SAMMSON: variants seen among roughly 807,000 people sequenced by gnomAD.
SAMMSON encodes survival associated mitochondrial melanoma specific oncogenic non-coding RNA.
chr3:70,153,671 T>TA (rs2067580481), intron 4 of SAMMSON, among the ~76,000 whole-genome samples: 1 of 152,012 alleles, frequency 6.6e-6, no homozygotes, highest in South Asian at 2.1e-4. Context: ...TTGCGATTTT[T>TA]AAAAAACTCT....
chr3:70,179,795 G>C (rs1701037253), intron 4 of SAMMSON, among the ~76,000 whole-genome samples: 1 of 151,878 alleles, frequency 6.6e-6, no homozygotes, highest in South Asian at 2.1e-4. Flanking sequence ...ATGAACTTCT[G>C]CTTGAATTCT....
At chr3:70,158,292 C>G (rs779019218) in intron 4 of SAMMSON, among the ~76,000 whole-genome samples, 5 of 152,066 alleles carry the variant, frequency 3.3e-5, no homozygotes, top group Admixed American at 6.6e-5. Context: ...TTTATATAAA[C>G]GGAATCATAC....
At chr3:70,165,729 A>G (rs924229144) in intron 4 of SAMMSON, among the ~76,000 whole-genome samples, 5 of 151,986 alleles carry the variant, frequency 3.3e-5, no homozygotes, top group Non-Finnish European at 7.4e-5. Context: ...AAGGATATGG[A>G]AGATGCTTCT....
intron 4 of SAMMSON, among the ~76,000 whole-genome samples, chr3:70,185,159 C>A (rs1246897638): frequency 6.6e-6 from 1 of 152,092 alleles, no homozygotes; most frequent in Non-Finnish European, 1.5e-5. Flanking sequence ...TGGAGAGATT[C>A]TCTGAAGTTT....
intron 7 of SAMMSON, among the ~76,000 whole-genome samples, chr3:70,335,866 C>A (rs1262086176): frequency 2.0e-5 from 3 of 152,054 alleles, no homozygotes; most frequent in African/African-American, 4.8e-5. Flanking sequence ...TCAAATTAAT[C>A]TTTCCCATTA....
intron 9 of SAMMSON, among the ~76,000 whole-genome samples, chr3:70,380,779 T>A (rs1703059573): frequency 6.6e-6 from 1 of 150,764 alleles, no homozygotes; most frequent in African/African-American, 2.4e-5. Context: ...CACCTATGAG[T>A]GAGAGTATGC....
At chr3:70,117,689 C>G (rs1280223344) in intron 4 of SAMMSON, among the ~76,000 whole-genome samples, 2 of 152,094 alleles carry the variant, frequency 1.3e-5, no homozygotes, top group African/African-American at 2.4e-5. Context: ...CCATAAAACC[C>G]ACATCATTGG....
intron 4 of SAMMSON, among the ~76,000 whole-genome samples, chr3:70,145,111 A>G (rs1185118853): frequency 2.0e-5 from 3 of 152,088 alleles, no homozygotes; most frequent in African/African-American, 7.2e-5. Flanking sequence ...CTGCAGCCAT[A>G]GAAAATCTCA....
intron 3 of SAMMSON, among the ~76,000 whole-genome samples, chr3:70,047,732 G>A (rs1576107986): frequency 1.3e-5 from 2 of 152,090 alleles, no homozygotes; most frequent in South Asian, 4.2e-4. Flanking sequence ...CAGTTCTGGA[G>A]CTTGGAAGTC....
At chr3:70,020,816 T>C (rs1431445698) in intron 3 of SAMMSON, among the ~76,000 whole-genome samples, 4 of 152,186 alleles carry the variant, frequency 2.6e-5, no homozygotes, top group Admixed American at 2.0e-4. Context: ...TCATTCCACG[T>C]CATCTTCCCA....
At chr3:70,180,594 A>G (rs1303801059) in intron 4 of SAMMSON, among the ~76,000 whole-genome samples, 3 of 152,170 alleles carry the variant, frequency 2.0e-5, no homozygotes, top group South Asian at 4.1e-4. Context: ...ATCTCCTTGA[A>G]TTGCATTACT....
chr3:70,228,451 G>A (rs1423416133), intron 4 of SAMMSON, among the ~76,000 whole-genome samples: 1 of 151,906 alleles, frequency 6.6e-6, no homozygotes, highest in Non-Finnish European at 1.5e-5. Context: ...TTCACTGATA[G>A]AGATTCAGAA....
At chr3:70,178,545 A>T (rs745769406) in intron 4 of SAMMSON, among the ~76,000 whole-genome samples, 3 of 152,128 alleles carry the variant, frequency 2.0e-5, no homozygotes, top group African/African-American at 4.8e-5. Flanking sequence ...CTGAGAAGGG[A>T]CTAATGTTTT....
intron 2 of SAMMSON, among the ~76,000 whole-genome samples, chr3:70,428,448 T>C (rs1243948802): frequency 6.6e-6 from 1 of 152,164 alleles, no homozygotes; most frequent in Admixed American, 6.5e-5. Context: ...AAATTACTGA[T>C]TTCTGATAAC....
chr3:70,119,136 G>A (rs887996878), intron 4 of SAMMSON, among the ~76,000 whole-genome samples: 7 of 151,980 alleles, frequency 4.6e-5, no homozygotes, highest in African/African-American at 7.3e-5. Context: ...GCGTGATGTC[G>A]GCTCACTGCA....
intron 4 of SAMMSON, among the ~76,000 whole-genome samples, chr3:70,160,644 C>T (rs1017439467): frequency 6.6e-6 from 1 of 151,982 alleles, no homozygotes; most frequent in Non-Finnish European, 1.5e-5. Flanking sequence ...TAACTTGGTT[C>T]GTTTCTCAAA....
intron 4 of SAMMSON, among the ~76,000 whole-genome samples, chr3:70,188,006 C>A (rs1334154371): frequency 2.0e-5 from 3 of 152,108 alleles, no homozygotes; most frequent in African/African-American, 7.2e-5. Flanking sequence ...GGGCAGCCAC[C>A]CCACCTTTCC....
chr3:70,227,049 A>G (rs962589610), intron 4 of SAMMSON, among the ~76,000 whole-genome samples: 1 of 152,198 alleles, frequency 6.6e-6, no homozygotes, highest in Non-Finnish European at 1.5e-5. Context: ...AATATACCAT[A>G]TGCAGACATA....
chr3:70,234,001 A>G (rs1701586189), intron 4 of SAMMSON, among the ~76,000 whole-genome samples: 1 of 152,222 alleles, frequency 6.6e-6, no homozygotes. Flanking sequence ...CTCTAGGAGT[A>G]AAATGCTGAG....
Sources: allele counts gnomAD v4.1 joint callset (sites outside exome capture counted in the v4.1 genomes callset), GRCh38; gene constraint gnomAD v4.1.1; transcripts MANE v1.5; gene names NCBI Gene and HGNC (gene_info 2026-07-23, HGNC 2026-07-21).